HTT: variants seen among roughly 807,000 people sequenced by gnomAD.
HTT encodes huntington disease protein.
Under a neutral mutation model 362.3 loss-of-function variants are expected in HTT, and 104 were observed. That is an observed-to-expected ratio of 0.29 (90% confidence interval 0.24 to 0.34). The LOEUF is 0.34. Among genes scored for constraint, HTT ranks in the 10% least tolerant of loss-of-function variants. HTT has a pLI of 1.00. For synonymous variants in HTT, 1,577 were observed against 1,548.7 expected (o/e 1.02, Z -0.43); for missense variants, 3,301 against 3,928.6 (o/e 0.84, Z 4.27).
intron 21 of HTT, among the ~76,000 whole-genome samples, chr4:3,139,826 C>T (rs2110197410): frequency 6.6e-6 from 1 of 152,222 alleles, no homozygotes; most frequent in South Asian, 2.1e-4. Context: ...GCTCTGTGCT[C>T]AGTACTCTGT....
chr4:3,147,343 T>C (rs1716657033), intron 25 of HTT, among the ~76,000 whole-genome samples: 1 of 152,026 alleles, frequency 6.6e-6, no homozygotes, highest in South Asian at 2.1e-4. Context: ...TCACACAGAG[T>C]GGCCCTAATC....
chr4:3,223,388 T>C lies in HTT; in HGVS notation c.7471-18T>C, dbSNP rs1294727309. 5.2e-5 allele frequency: 81 copies of C among 1,561,696 alleles called. No homozygotes were observed. The highest frequency in any genetic ancestry group is 6.9e-5 in the Non-Finnish European group (80 of 1,151,902). Reference sequence around the variant, plus strand: ...GGGTGTCTTGCTGCTCTTGTTGACATGTGGGCTCTCCTTCCAGGAAGACAC... The same window carrying C: ...GGGTGTCTTGCTGCTCTTGTTGACACGTGGGCTCTCCTTCCAGGAAGACAC... On this transcript the variant is annotated intron_variant, in intron 54 of 66. Coordinates refer to ENST00000355072, the MANE Select transcript of HTT (RefSeq NM_001388492.1).
At chr4:3,164,171 A>G (rs901711217) in intron 29 of HTT, among the ~76,000 whole-genome samples, 1 of 151,898 alleles carries the variant, frequency 6.6e-6, no homozygotes, top group African/African-American at 2.4e-5. Context: ...TTCTGCCTTC[A>G]TTTCGTTATT....
chr4:3,124,233 A>G (rs927751927), intron 10 of HTT, among the ~76,000 whole-genome samples: 6 of 152,212 alleles, frequency 3.9e-5, no homozygotes, highest in African/African-American at 7.2e-5. Context: ...TTACGCTGAC[A>G]CTTGTTTGTT....
Position 3,157,213 on chromosome 4 carries a change from C to T in HTT, c.3753+14C>T, listed in dbSNP as rs2110214710. 1 of 1,604,684 alleles carries T rather than the reference C, an allele frequency of 6.2e-7. No individual in the cohort carries two copies. Among genetic ancestry groups the T allele is most frequent in the Non-Finnish European group, 8.5e-7 (1 of 1,176,450 alleles). ...GCTAACTACAAGGTATGGGCCTCTG[C>T]ATCTTTTAAAAATATATATGCACAC... On this transcript the variant is annotated intron_variant, in intron 28 of 66. Transcript: ENST00000355072.
intron 66 of HTT, 67 bp from the exon 67 acceptor site, chr4:3,239,778 TC>T: frequency 7.8e-7 from 1 of 1,276,196 alleles, no homozygotes. Flanking sequence ...GGAGAGGAAC[TC>T]CCAGGTGAGG....
intron 41 of HTT, 123 bp from the exon 42 acceptor site, chr4:3,203,884 T>C (rs978630438): frequency 6.2e-5 from 54 of 867,026 alleles, no homozygotes; most frequent in Non-Finnish European, 9.7e-5. Context: ...CATTCTGATA[T>C]GGCAATATTT....
chr4:3,171,983 G>T (rs1718002854), intron 29 of HTT, among the ~76,000 whole-genome samples: 1 of 152,158 alleles, frequency 6.6e-6, no homozygotes, highest in Admixed American at 6.5e-5. Context: ...CTCTACAGAT[G>T]CAGGGCTCTT....
chr4:3,108,925 G>A (rs1369096894), intron 6 of HTT, among the ~76,000 whole-genome samples: 1 of 152,034 alleles, frequency 6.6e-6, no homozygotes, highest in African/African-American at 2.4e-5. Context: ...GCATGTGCCT[G>A]TGGTCCTAGC....
At chr4:3,169,001 C>CCTTTCTTTCTTTCTTTCTTTCTTTCTTT (rs1290014049) in intron 29 of HTT, among the ~76,000 whole-genome samples, 25 of 138,418 alleles carry the variant, frequency 1.8e-4, no homozygotes, top group African/African-American at 7.6e-4. Flanking sequence ...AAATTTTAGG[C>CCTTTCTTTCTTTCTTTCTTTCTTTCTTT]CATTCTTTCT....
chr4:3,145,145 T>G lies in HTT; in HGVS notation c.3067-7T>G. On this transcript the variant is annotated splice_region_variant and splice_polypyrimidine_tract_variant and intron_variant, in intron 23 of 66. Transcript: ENST00000355072. ...TGGGTGTGATTTTATTGTTTCTTTC[T>G]TCTCAGTTTGGATGCTGTGAAGCTT... is the stretch of plus-strand genomic sequence containing the variant. 6.2e-7 allele frequency: 1 copy of G among 1,609,154 alleles called. No homozygotes were observed. Among genetic ancestry groups the G allele is most frequent in the Non-Finnish European group, 8.5e-7 (1 of 1,175,430 alleles).
In HTT at chr4:3,180,562, G is replaced by A. The variant is rs892411609; in HGVS notation, c.4660G>A (p.Gly1554Arg). The change falls in exon 36 of 67, where the codon GGA becomes AGA. Residue 1554 changes from glycine (G) to arginine (R), a missense_variant. Gly to Arg is a moderately radical substitution (Grantham distance 125, BLOSUM62 -2). Coordinates refer to ENST00000355072, the MANE Select transcript of HTT (RefSeq NM_001388492.1). ...PIVHDLFVLR[G>R]TNKADAGKEL... ...AGTCCACGACCTCTTTGTATTAAGA[G>A]GAACAAATAAAGCTGATGCAGGAAA... 3.1e-6 allele frequency: 5 copies of A among 1,613,138 alleles called. No individual in the cohort carries two copies. The highest frequency in any genetic ancestry group is 3.4e-6 in the Non-Finnish European group (4 of 1,179,696).
Position 3,107,295 on chromosome 4 carries a change from G to C in HTT, c.619G>C (p.Val207Leu), listed in dbSNP as rs767064691. Residue 207 changes from valine to leucine, a missense_variant, in exon 6 of 67, where the codon GTG becomes CTG. Physicochemically the swap from Val to Leu is conservative, Grantham distance 32. Coordinates refer to ENST00000355072, the MANE Select transcript of HTT (RefSeq NM_001388492.1). ...VRPQKCRPYL[V>L]NLLPCLTRTS... ...CTTTTGCATACACAGGCCTTACCTG[G>C]TGAACCTTCTGCCGTGCCTGACTCG... 5.1e-5 allele frequency: 82 copies of C among 1,614,070 alleles called. No individual in the cohort carries two copies. The highest frequency in any genetic ancestry group is 6.9e-5 in the Non-Finnish European group (81 of 1,180,024).
In HTT at chr4:3,083,580, CACACACAT is replaced by C. The variant is rs1437989308; in HGVS notation, c.264-3357_264-3350del. On this transcript the variant is annotated intron_variant, in intron 1 of 66. Transcript: ENST00000355072. ...ACACACACACACACACACACACACACACACACATATATATGTATATATATGCATTTAGA... is the reference window on the plus strand; with the variant it reads ...ACACACACACACACACACACACACACATATATGTATATATATGCATTTAGA... Among the ~76,000 whole-genome samples, 469 of 128,714 alleles carry C rather than the reference CACACACAT, an allele frequency of 3.6e-3. 6 individuals carry two copies. Among genetic ancestry groups the C allele is most frequent in the East Asian group, 0.014 (63 of 4,388 alleles). 84.4% of individuals were successfully genotyped at this position (128,714 alleles called of 152,430 possible).
intron 29 of HTT, among the ~76,000 whole-genome samples, chr4:3,162,612 T>A (rs1717499891): frequency 6.6e-6 from 1 of 152,198 alleles, no homozygotes; most frequent in Non-Finnish European, 1.5e-5. Flanking sequence ...GAGCAGTGGT[T>A]TGTAGTTCTC....
chr4:3,241,829 T>TC lies in HTT; in HGVS notation c.*1775dup, dbSNP rs1721813310. ...TTCCCACCAGCTCCCAACAGAGGCC[T>TC]CCCCCAGCCAGGACCACCTCGTCCT... On this transcript the variant is annotated 3_prime_UTR_variant, in exon 67 of 67. Coordinates refer to ENST00000355072, the MANE Select transcript of HTT (RefSeq NM_001388492.1). 2 of 152,032 alleles carry TC rather than the reference T, an allele frequency of 1.3e-5. No homozygotes were observed. The highest frequency in any genetic ancestry group is 1.3e-4 in the Admixed American group (2 of 15,262). 9.4% of individuals were successfully genotyped at this position (152,032 alleles called of 1,614,324 possible).
intron 40 of HTT, among the ~76,000 whole-genome samples, chr4:3,192,917 C>G (rs1560587621): frequency 6.6e-6 from 1 of 152,260 alleles, no homozygotes; most frequent in Non-Finnish European, 1.5e-5. Flanking sequence ...AGCATCCTGG[C>G]TCTTGCCTGC....
chr4:3,147,380 G>GATTTAT, intron 25 of HTT, among the ~76,000 whole-genome samples: 1 of 152,258 alleles, frequency 6.6e-6, no homozygotes, highest in South Asian at 2.1e-4. Context: ...TTTATGGGCT[G>GATTTAT]GTAGGAAAGA....
chr4:3,115,805 A>G (rs1714992844), intron 7 of HTT, among the ~76,000 whole-genome samples: 1 of 152,116 alleles, frequency 6.6e-6, no homozygotes. Context: ...TTGTTTGGGT[A>G]ACTGTGGAAA....
Sources: gnomAD v4.1 joint callset for allele counts (sites outside exome capture counted in the v4.1 genomes callset) on GRCh38, gnomAD v4.1.1 for gene constraint, MANE v1.5 for transcripts, NCBI Gene and HGNC (gene_info 2026-07-23, HGNC 2026-07-21) for gene names.